Variants in HEATR1 observed in about 807,000 individuals in gnomAD.
HEATR1 encodes HEAT repeat-containing protein 1.
HEATR1 carries 77 observed loss-of-function variants against 248.2 expected under a neutral mutation model. The observed-to-expected ratio is 0.31, with a 90% CI of 0.26 to 0.37. The LOEUF is 0.37. Ranked by LOEUF, HEATR1 falls within the 10% of genes least tolerant of loss-of-function variation. The probability of loss-of-function intolerance (pLI) is 1.00; values close to 1 mark genes in which losing one functional copy is unlikely to be tolerated. For synonymous variants in HEATR1, 897 were observed against 923.1 expected, an observed-to-expected ratio of 0.97 and a Z score of 0.51; for missense variants, 2,420 against 2,504.9, an observed-to-expected ratio of 0.97 and a Z score of 0.72.
intron 2 of HEATR1, among the ~76,000 whole-genome samples, chr1:236,603,643 TGA>T (rs1664387374): frequency 6.6e-6 from 1 of 150,694 alleles, no homozygotes; most frequent in Non-Finnish European, 1.5e-5. Context: ...GCCAGTCCTC[TGA>T]GAGGACTTCT....
chr1:236,568,936 T>A, intron 29 of HEATR1, 60 bp downstream of exon 29: 1 of 1,258,870 alleles, frequency 7.9e-7, no homozygotes, highest in Non-Finnish European at 1.0e-6. Context: ...TTAATGTCAT[T>A]TATATGCAAA....
chr1:236,587,600 A>G, intron 13 of HEATR1, 110 bp from the exon 14 acceptor site: 1 of 478,784 alleles, frequency 2.1e-6, no homozygotes, highest in Non-Finnish European at 3.6e-6. Flanking sequence ...TCTCCCAGGA[A>G]TCCTAGTACA....
At chr1:236,557,539 C>T (rs1386610695) in intron 36 of HEATR1, among the ~76,000 whole-genome samples, 194 bp from the exon 37 acceptor site, 1 of 152,192 alleles carries the variant, frequency 6.6e-6, no homozygotes, top group Admixed American at 6.5e-5. Flanking sequence ...AGTACGGACA[C>T]AACAGTAATT....
intron 14 of HEATR1, 30 bp downstream of exon 14, chr1:236,587,371 CA>C (rs748729232): frequency 2.1e-5 from 23 of 1,098,012 alleles, no homozygotes; most frequent in Non-Finnish European, 2.8e-5. Flanking sequence ...TTCATCAATT[CA>C]AAATAGTATG....
chr1:236,586,273 G>C lies in HEATR1; in HGVS notation c.1895C>G (p.Ser632Cys), dbSNP rs750336767. The change falls in exon 15 of 45, where the codon TCC becomes TGC. Residue 632 changes from serine (S) to cysteine (C), a missense_variant. Ser to Cys is a moderately radical substitution (Grantham distance 112). Coordinates refer to ENST00000366582, the MANE Select transcript of HEATR1 (RefSeq NM_018072.6). Reference sequence around the variant, plus strand: ...CCAGCCTCTTAATAGAGGGTGCAGGGAGCAGATTCCTGATTTTGATAAATA... The same window carrying C: ...CCAGCCTCTTAATAGAGGGTGCAGGCAGCAGATTCCTGATTTTGATAAATA... Reference protein sequence around the residue: ...AIYLSKSGICSLHPLLRGWEE... With the variant: ...AIYLSKSGICCLHPLLRGWEE... The C allele has an allele frequency of 1.2e-6, 2 of 1,612,840 alleles. No homozygotes were observed. The highest frequency in any genetic ancestry group is 1.7e-6 in the Non-Finnish European group (2 of 1,179,488).
At chr1:236,551,652 T>G (rs923842686) in intron 44 of HEATR1, 1 of 187,082 alleles carries the variant, frequency 5.3e-6, no homozygotes, top group African/African-American at 2.4e-5. Context: ...CCATACAATC[T>G]GGGGACCAAA....
In HEATR1 at chr1:236,574,844, C is replaced by A. The variant is rs867224313; in HGVS notation, c.3144G>T (p.Glu1048Asp). The change falls in exon 23 of 45, where the codon GAG becomes GAT. Residue 1048 changes from glutamate (E) to aspartate (D), a missense_variant. By Grantham distance (45) the Glu-to-Asp change is conservative. Transcript: ENST00000366582. The stretch of plus-strand genomic sequence containing the variant: ...CCTCATCTTTCAGCACAGCTGTGGG[C>A]TCCTTCTGGATCTTTTCTAGCAGTT... ...AEQLLEKIQK[E>D]PTAVLKDEAM... is the part of the protein sequence containing the mutation. The A allele has an allele frequency of 6.2e-7, 1 of 1,613,862 alleles. No individual in the cohort carries two copies.
At chr1:236,599,428 A>T in intron 4 of HEATR1, 55 bp downstream of exon 4, 1 of 1,458,368 alleles carries the variant, frequency 6.9e-7, no homozygotes, top group Non-Finnish European at 9.3e-7. Flanking sequence ...TCCTAATTAA[A>T]TCCCTTAATC....
chr1:236,591,908 A>G, intron 11 of HEATR1, 85 bp downstream of exon 11: 1 of 756,780 alleles, frequency 1.3e-6, no homozygotes, highest in East Asian at 2.5e-5. Context: ...CAAGGGAAAA[A>G]AGTGGCAAAT....
At position 236,603,281 on chromosome 1, in the gene HEATR1, T is replaced by C; in HGVS notation, c.238A>G (p.Ser80Gly). The C allele has an allele frequency of 6.2e-7, 1 of 1,614,146 alleles. No homozygotes were observed. Among genetic ancestry groups the C allele is most frequent in the Non-Finnish European group, 8.5e-7 (1 of 1,180,000 alleles). Residue 80 changes from serine to glycine, a missense_variant, in exon 3 of 45, where the codon AGT (serine) becomes GGT (glycine). By Grantham distance (56) the Ser-to-Gly change is moderately conservative. Coordinates refer to ENST00000366582, the MANE Select transcript of HEATR1 (RefSeq NM_018072.6). ...TTGTTTACTGCTTTGGTCTGAACAC[T>C]TCGCTCCAAGGTTTTTGCTAGCTGA... Reference protein sequence around the residue: ...FSQLAKTLERSVQTKAVNKQL... With the variant: ...FSQLAKTLERGVQTKAVNKQL...
chr1:236,556,096 TA>T lies in HEATR1; in HGVS notation c.5514+3del. 6.2e-7 allele frequency: 1 copy of T among 1,614,236 alleles called. No individual in the cohort carries two copies. Among genetic ancestry groups the T allele is most frequent in the South Asian group, 1.1e-5 (1 of 91,090 alleles). On this transcript the variant is annotated splice_donor_region_variant and intron_variant, in intron 38 of 44. Transcript: ENST00000366582. ...CAAAGTCTTAATACCCAATAAGATC[TA>T]ACCTTCCAGTTCTTCTCAATCTGCT... is the stretch of plus-strand genomic sequence containing the variant.
At chr1:236,581,457 A>T (rs1377217536) in intron 19 of HEATR1, 43 bp from the exon 20 acceptor site, 3 of 1,369,000 alleles carry the variant, frequency 2.2e-6, no homozygotes, top group Non-Finnish European at 2.9e-6. Context: ...TTCTTACTCA[A>T]ATAAGCTGGT....
At chr1:236,554,189 C>T (rs1211082212) in intron 42 of HEATR1, among the ~76,000 whole-genome samples, 9 of 152,152 alleles carry the variant, frequency 5.9e-5, no homozygotes, top group Non-Finnish European at 1.2e-4. Flanking sequence ...GTCAGGAGTT[C>T]GAGACCAGCC....
Position 236,603,282 on chromosome 1 carries a change from T to A in HEATR1, c.237A>T (p.Arg79=), listed in dbSNP as rs765697819. 1.9e-6 allele frequency: 3 copies of A among 1,614,070 alleles called. No homozygotes were observed. Among genetic ancestry groups the A allele is most frequent in the Non-Finnish European group, 2.5e-6 (3 of 1,180,030 alleles). Residue 79 remains arginine, a synonymous_variant, in exon 3 of 45, where the codon CGA becomes CGT. Transcript: ENST00000366582. Reference sequence around the variant, plus strand: ...TGTTTACTGCTTTGGTCTGAACACTTCGCTCCAAGGTTTTTGCTAGCTGAC... The same window carrying A: ...TGTTTACTGCTTTGGTCTGAACACTACGCTCCAAGGTTTTTGCTAGCTGAC... ...LFSQLAKTLE[R]SVQTKAVNKQ...
Position 236,574,286 on chromosome 1 carries a change from C to T in HEATR1, c.3375G>A (p.Gln1125=). ...AATCAAACAACATTCTTAAAAGCTT[C>T]TGCTGAACTTTTTCATCTGATATGG... ...FAAISDEKVQ[Q]KLLRMLFDLL... The change falls in exon 24 of 45, where the codon CAG becomes CAA. Residue 1125 remains glutamine (Q), a synonymous_variant. Coordinates refer to ENST00000366582, the MANE Select transcript of HEATR1 (RefSeq NM_018072.6). 1.2e-5 allele frequency: 20 copies of T among 1,612,418 alleles called. No homozygotes were observed. Among genetic ancestry groups the T allele is most frequent in the Non-Finnish European group, 1.7e-5 (20 of 1,179,302 alleles).
chr1:236,591,923 T>C lies in HEATR1; in HGVS notation c.1422+70A>G, dbSNP rs1664048863. The C allele has an allele frequency of 5.6e-6, 5 of 897,544 alleles. No homozygotes were observed. The South Asian group carries it at 9.6e-5, about 17-fold the overall frequency. The allele number at this position is 897,544 out of a possible 1,614,324, so 55.6% of individuals were successfully genotyped here. On this transcript the variant is annotated intron_variant, in intron 11 of 44. Transcript: ENST00000366582. The stretch of plus-strand genomic sequence containing the variant: ...CAAGGGAAAAAAGTGGCAAATTTCC[T>C]TCTGGAGCTCTTCACATACCCATAC...
At chr1:236,604,169 T>C in intron 1 of HEATR1, 42 bp from the exon 2 acceptor site, 1 of 1,463,766 alleles carries the variant, frequency 6.8e-7, no homozygotes, top group Non-Finnish European at 9.1e-7. Context: ...TACGAAATTA[T>C]AAGGCGCCTC....
rs1664113945 is a variant in HEATR1 at position 236,594,104 on chromosome 1, A to C, written c.1101T>G (p.Thr367=). ...TGTAGATTTGACCATCCATTCCTTCAGTTTCTTCTCCTTAATATGTAAAAA... is the reference window on the plus strand; with the variant it reads ...TGTAGATTTGACCATCCATTCCTTCCGTTTCTTCTCCTTAATATGTAAAAA... ...SIIHHVTGEE[T]EGMDGQIYKR... Residue 367 remains threonine, a synonymous_variant, in exon 9 of 45, where the codon ACT becomes ACG. Transcript: ENST00000366582. 1 of 1,585,486 alleles carries C rather than the reference A, an allele frequency of 6.3e-7. No individual in the cohort carries two copies. Among genetic ancestry groups the C allele is most frequent in the Non-Finnish European group, 8.6e-7 (1 of 1,165,352 alleles).
chr1:236,554,535 A>C (rs1662886220), intron 42 of HEATR1, 63 bp downstream of exon 42: 1 of 1,521,466 alleles, frequency 6.6e-7, no homozygotes, highest in African/African-American at 1.4e-5. Context: ...AGCAGATCTA[A>C]AACCTGCCAA....
Sources: gnomAD v4.1 joint callset for allele counts (sites outside exome capture counted in the v4.1 genomes callset) on GRCh38, gnomAD v4.1.1 for gene constraint, MANE v1.5 for transcripts, NCBI Gene and HGNC (gene_info 2026-07-23, HGNC 2026-07-21) for gene names.